The following MAPKAP1 variants were observed in gnomAD, a reference collection of about 807,000 sequenced individuals.
MAPKAP1 encodes the protein MAPK associated protein 1, also known as target of rapamycin complex 2 subunit MAPKAP1.
A neutral mutation model predicts 65.7 loss-of-function variants in MAPKAP1; 20 were observed. The observed-to-expected ratio is 0.30, with a 90% CI of 0.21 to 0.44. MAPKAP1 has a LOEUF of 0.44. Among genes scored for constraint, MAPKAP1 ranks in the 20% least tolerant of loss-of-function variants. The pLI is 1.00. For synonymous variants in MAPKAP1, 222 were observed against 244.3 expected, an observed-to-expected ratio of 0.91 and a Z score of 0.85; for missense variants, 423 against 648.0, an observed-to-expected ratio of 0.65 and a Z score of 3.77.
intron 4 of MAPKAP1, among the ~76,000 whole-genome samples, chr9:125,642,513 T>C (rs964350156): frequency 6.6e-6 from 1 of 152,184 alleles, no homozygotes; most frequent in Non-Finnish European, 1.5e-5. Context: ...CCACATTATA[T>C]GCTCATTAAC....
intron 4 of MAPKAP1, among the ~76,000 whole-genome samples, chr9:125,643,256 G>C (rs1352033920): frequency 1.3e-5 from 2 of 151,602 alleles, no homozygotes; most frequent in Non-Finnish European, 2.9e-5. Flanking sequence ...GTGCAATGGT[G>C]CATTCTTGGC....
Position 125,439,425 on chromosome 9 carries a change from G to A in MAPKAP1, c.1444-413C>T, listed in dbSNP as rs1354047899. On this transcript the variant is annotated intron_variant, in intron 11 of 11. Coordinates refer to ENST00000265960, the MANE Select transcript of MAPKAP1 (RefSeq NM_001006617.3). This position sits in a 1 kb window ranked among gnomAD's most constrained non-coding sequence, Gnocchi z 4.0. ...CCTGTGTGAAGGCCGAGAACACAGG[G>A]ATGAAAAGCAAACCAAGACAGGCTC... 4.6e-5 allele frequency among the ~76,000 whole-genome samples: 7 copies of A among 152,166 alleles called. No homozygotes were observed. The highest frequency in any genetic ancestry group is 1.0e-4 in the Non-Finnish European group (7 of 68,044).
intron 3 of MAPKAP1, among the ~76,000 whole-genome samples, chr9:125,661,350 T>TAA (rs879932625): frequency 2.0e-5 from 3 of 151,098 alleles, no homozygotes; most frequent in South Asian, 4.2e-4. Flanking sequence ...AAACAAAACT[T>TAA]AAAAAAAAAT....
intron 7 of MAPKAP1, among the ~76,000 whole-genome samples, chr9:125,539,910 A>T (rs1009234736): frequency 6.6e-6 from 1 of 152,260 alleles, no homozygotes; most frequent in African/African-American, 2.4e-5. Context: ...AAATAGGCAT[A>T]AAAAATAGAC....
chr9:125,706,706 A>T (rs1222223340), intron 1 of MAPKAP1, among the ~76,000 whole-genome samples: 2 of 151,870 alleles, frequency 1.3e-5, no homozygotes, highest in South Asian at 2.1e-4. Context: ...AGGCCCAGAA[A>T]CTGCCGGAGT....
At chr9:125,689,303 G>A (rs1835086676) in intron 1 of MAPKAP1, among the ~76,000 whole-genome samples, 2 of 151,950 alleles carry the variant, frequency 1.3e-5, no homozygotes, top group African/African-American at 4.8e-5. Flanking sequence ...CGGGCGTGGT[G>A]GCGGGCGCCT....
chr9:125,679,823 C>T (rs1834767683), intron 1 of MAPKAP1, among the ~76,000 whole-genome samples: 1 of 152,142 alleles, frequency 6.6e-6, no homozygotes, highest in South Asian at 2.1e-4. Context: ...CAAAACACTA[C>T]CCGCTCACTT....
At chr9:125,682,282 A>C (rs775592334) in intron 1 of MAPKAP1, among the ~76,000 whole-genome samples, 1 of 152,198 alleles carries the variant, frequency 6.6e-6, no homozygotes, top group Non-Finnish European at 1.5e-5. Flanking sequence ...GCACTTTATC[A>C]ATGGACAACT....
intron 5 of MAPKAP1, among the ~76,000 whole-genome samples, chr9:125,572,141 T>C (rs1831253785): frequency 6.6e-6 from 1 of 152,222 alleles, no homozygotes; most frequent in Non-Finnish European, 1.5e-5. Context: ...ACTAGTTATT[T>C]TCCCAAGGCT....
chr9:125,619,672 C>T (rs1384848161), intron 4 of MAPKAP1, among the ~76,000 whole-genome samples: 3 of 151,858 alleles, frequency 2.0e-5, no homozygotes, highest in Non-Finnish European at 2.9e-5. Context: ...TTATTTACAA[C>T]TGCAACTACA....
intron 3 of MAPKAP1, among the ~76,000 whole-genome samples, chr9:125,666,537 A>C (rs1004481731): frequency 8.5e-5 from 13 of 152,222 alleles, no homozygotes; most frequent in Non-Finnish European, 1.8e-4. Flanking sequence ...GTATGGTGTC[A>C]TGTGCCTGTA....
chr9:125,702,120 C>T (rs2131883385), intron 1 of MAPKAP1, among the ~76,000 whole-genome samples: 1 of 152,346 alleles, frequency 6.6e-6, no homozygotes, highest in Non-Finnish European at 1.5e-5. Flanking sequence ...AAATCCACGA[C>T]ATGCAGTGGC....
chr9:125,460,234 T>C (rs767639019), intron 10 of MAPKAP1, among the ~76,000 whole-genome samples: 5 of 152,148 alleles, frequency 3.3e-5, no homozygotes, highest in Non-Finnish European at 7.3e-5. Flanking sequence ...AATTGTTTTG[T>C]TACAATGGGT....
chr9:125,529,135 TTGC>T (rs1829861296), intron 7 of MAPKAP1, among the ~76,000 whole-genome samples: 1 of 144,714 alleles, frequency 6.9e-6, no homozygotes, highest in East Asian at 2.0e-4. Context: ...GGTTGCACCA[TTGC>T]ACTCCAGCCT....
At chr9:125,523,365 A>G (rs1350244801) in intron 7 of MAPKAP1, among the ~76,000 whole-genome samples, 2 of 152,196 alleles carry the variant, frequency 1.3e-5, no homozygotes, top group Non-Finnish European at 2.9e-5. Context: ...AAGAGGAAAA[A>G]AAGAGGGAGA....
intron 1 of MAPKAP1, among the ~76,000 whole-genome samples, chr9:125,680,853 G>A (rs1002712832): frequency 6.6e-6 from 1 of 152,144 alleles, no homozygotes; most frequent in African/African-American, 2.4e-5. Context: ...AAGACAACAT[G>A]TTTTCCAAGA....
intron 1 of MAPKAP1, among the ~76,000 whole-genome samples, chr9:125,681,509 G>A (rs1370359229): frequency 6.6e-6 from 1 of 152,110 alleles, no homozygotes; most frequent in Non-Finnish European, 1.5e-5. Context: ...TCAGACAAAG[G>A]AACCCTGATC....
chr9:125,651,479 C>T (rs569872494), intron 4 of MAPKAP1, among the ~76,000 whole-genome samples: 2 of 152,156 alleles, frequency 1.3e-5, no homozygotes, highest in South Asian at 2.1e-4. Context: ...TTGGCAGGCG[C>T]CTGTAATCCC....
intron 4 of MAPKAP1, among the ~76,000 whole-genome samples, chr9:125,637,006 C>T (rs829308): frequency 6.6e-6 from 1 of 152,112 alleles, no homozygotes; most frequent in African/African-American, 2.4e-5. Flanking sequence ...CGGTGGCTCA[C>T]GCTTGTAATC....
Sources: gnomAD v4.1 joint callset for allele counts (sites outside exome capture counted in the v4.1 genomes callset) on GRCh38, gnomAD v4.1.1 for gene constraint, Gnocchi (gnomAD v3.1) non-coding constraint, MANE v1.5 for transcripts, NCBI Gene and HGNC (gene_info 2026-07-23, HGNC 2026-07-21) for gene names.